The following NALF1 variants were observed in gnomAD, a reference collection of about 807,000 sequenced individuals.
NALF1 encodes the protein family with sequence similarity 155 member A.
In NALF1, 3 loss-of-function variants were observed where a neutral mutation model predicts 48.4. That is an observed-to-expected ratio of 0.06 (90% CI 0.03 to 0.16). The LOEUF (loss-of-function observed/expected upper bound fraction) is 0.16. Among genes scored for constraint, NALF1 ranks in the 10% least tolerant of loss-of-function variants. NALF1 has a pLI of 1.00. For synonymous variants in NALF1, 262 were observed against 245.7 expected (o/e 1.07, Z -0.62); for missense variants, 526 against 571.5 (o/e 0.92, Z 0.81).
At chr13:107,467,715 A>T (rs1273256573) in intron 1 of NALF1, among the ~76,000 whole-genome samples, 1 of 152,226 alleles carries the variant, frequency 6.6e-6, no homozygotes, top group Non-Finnish European at 1.5e-5. Flanking sequence ...TTAAACCATC[A>T]GTAAAATTCT....
intron 1 of NALF1, among the ~76,000 whole-genome samples, chr13:107,382,174 C>T (rs1430213035): frequency 6.6e-6 from 1 of 152,186 alleles, no homozygotes; most frequent in African/African-American, 2.4e-5. Flanking sequence ...ATTTGCTGCA[C>T]ACAAGTGTGA....
intron 1 of NALF1, among the ~76,000 whole-genome samples, chr13:107,532,929 TAAG>T (rs1440389336): frequency 6.6e-6 from 1 of 152,082 alleles, no homozygotes; most frequent in Non-Finnish European, 1.5e-5. Context: ...GCAGAACTGT[TAAG>T]AAAACAACCT....
At chr13:107,215,302 G>T (rs1025682702) in intron 1 of NALF1, among the ~76,000 whole-genome samples, 1 of 152,076 alleles carries the variant, frequency 6.6e-6, no homozygotes, top group Non-Finnish European at 1.5e-5. Context: ...CTCACTTGCA[G>T]TTCTGCAGAG....
At chr13:107,563,146 G>A (rs1392128303) in intron 1 of NALF1, among the ~76,000 whole-genome samples, 1 of 152,158 alleles carries the variant, frequency 6.6e-6, no homozygotes, top group African/African-American at 2.4e-5. Flanking sequence ...TATTTGAGCA[G>A]TGAAAAAAAA....
chr13:107,764,437 G>A (rs1877366491), intron 1 of NALF1, among the ~76,000 whole-genome samples: 1 of 152,102 alleles, frequency 6.6e-6, no homozygotes, highest in Non-Finnish European at 1.5e-5. Flanking sequence ...ACATCTGTGT[G>A]TGTGTGTTTG....
chr13:107,210,069 GAC>G (rs34075188), intron 2 of NALF1, among the ~76,000 whole-genome samples: 3 of 150,680 alleles, frequency 2.0e-5, no homozygotes, highest in Non-Finnish European at 4.4e-5. Context: ...GGCTCTAATA[GAC>G]ACACACACAC....
chr13:107,860,674 A>G (rs2476209), intron 1 of NALF1, among the ~76,000 whole-genome samples: 8,301 of 152,330 alleles, frequency 0.054, 451 homozygotes, highest in African/African-American at 0.14. Context: ...AGTCATTGTG[A>G]GAGCAACACA....
intron 1 of NALF1, among the ~76,000 whole-genome samples, chr13:107,674,736 T>C (rs1007849137): frequency 1.3e-5 from 2 of 152,240 alleles, no homozygotes; most frequent in Middle Eastern, 3.4e-3. Context: ...TTTAAATATA[T>C]GCAAGACCAT....
chr13:107,359,291 T>C (rs1566494918), intron 1 of NALF1, among the ~76,000 whole-genome samples: 1 of 152,046 alleles, frequency 6.6e-6, no homozygotes, highest in South Asian at 2.1e-4. Context: ...TGCTGGGTAT[T>C]GTTAACTGAT....
At chr13:107,839,701 T>C (rs1253464459) in intron 1 of NALF1, among the ~76,000 whole-genome samples, 2 of 150,834 alleles carry the variant, frequency 1.3e-5, no homozygotes, top group East Asian at 2.0e-4. Flanking sequence ...AACTCTTAAG[T>C]ATTATTTAAT....
chr13:107,349,660 G>C (rs1017323473), intron 1 of NALF1, among the ~76,000 whole-genome samples: 3 of 150,344 alleles, frequency 2.0e-5, no homozygotes, highest in African/African-American at 7.4e-5. Context: ...GGAATCACTT[G>C]AACCTGGGAG....
chr13:107,238,345 G>T (rs1880395755), intron 1 of NALF1, among the ~76,000 whole-genome samples: 1 of 152,162 alleles, frequency 6.6e-6, no homozygotes, highest in African/African-American at 2.4e-5. Flanking sequence ...AGTAAATGCT[G>T]TTTGCAAGGT....
chr13:107,297,575 A>C (rs369201079), intron 1 of NALF1, among the ~76,000 whole-genome samples: 2 of 152,222 alleles, frequency 1.3e-5, no homozygotes, highest in East Asian at 1.9e-4. Flanking sequence ...TGTAATTAAA[A>C]CAAAGAAATA....
At chr13:107,457,765 C>T (rs1310664425) in intron 1 of NALF1, among the ~76,000 whole-genome samples, 1 of 152,168 alleles carries the variant, frequency 6.6e-6, no homozygotes, top group Non-Finnish European at 1.5e-5. Context: ...GCCCAATAAA[C>T]AAACACTTTC....
At chr13:107,464,089 C>T (rs1458725246) in intron 1 of NALF1, among the ~76,000 whole-genome samples, 1 of 152,162 alleles carries the variant, frequency 6.6e-6, no homozygotes, top group East Asian at 1.9e-4. Context: ...AACTCATGCT[C>T]ACAACCAGGC....
At chr13:107,222,720 A>T (rs1880019650) in intron 1 of NALF1, among the ~76,000 whole-genome samples, 1 of 152,216 alleles carries the variant, frequency 6.6e-6, no homozygotes. Flanking sequence ...AACTTTATAT[A>T]ACTGACTAGG....
Position 107,355,738 on chromosome 13 carries a change from T to C in NALF1, c.916-144983A>G, listed in dbSNP as rs1882952580. Among the ~76,000 whole-genome samples, 4 of 152,152 alleles carry C rather than the reference T, an allele frequency of 2.6e-5. No homozygotes were observed. In the South Asian group the frequency reaches 8.3e-4, roughly 32 times the overall value. Reference sequence around the variant, plus strand: ...TCCTGAGGCCTCCCCAGCCATGCTTTCTGTACAGTCTGTGGAATGATGACC... The same window carrying C: ...TCCTGAGGCCTCCCCAGCCATGCTTCCTGTACAGTCTGTGGAATGATGACC... On this transcript the variant is annotated intron_variant, in intron 1 of 2. Coordinates refer to ENST00000375915, the MANE Select transcript of NALF1 (RefSeq NM_001080396.3).
At chr13:107,566,890 A>T (rs901391268) in intron 1 of NALF1, among the ~76,000 whole-genome samples, 1 of 152,204 alleles carries the variant, frequency 6.6e-6, no homozygotes. Flanking sequence ...CAGCTGCCCA[A>T]CACGGATATA....
chr13:107,495,349 T>A (rs1401993773), intron 1 of NALF1, among the ~76,000 whole-genome samples: 2 of 152,184 alleles, frequency 1.3e-5, no homozygotes, highest in Non-Finnish European at 2.9e-5. Flanking sequence ...GGAGTTTAAG[T>A]CATCATCTTG....
Sources: gnomAD v4.1 joint callset for allele counts (sites outside exome capture counted in the v4.1 genomes callset) on GRCh38, gnomAD v4.1.1 for gene constraint, MANE v1.5 for transcripts, NCBI Gene and HGNC (gene_info 2026-07-23, HGNC 2026-07-21) for gene names.